SPTA1: variants seen among roughly 807,000 people sequenced by gnomAD.
SPTA1 encodes the protein spectrin alpha chain, erythrocytic 1.
SPTA1 carries 177 observed loss-of-function variants against 324.7 expected under a neutral mutation model. That is an observed-to-expected ratio of 0.55 (90% CI 0.48 to 0.62). SPTA1 has a LOEUF of 0.62. Ranked by LOEUF, SPTA1 falls within the 20% of genes least tolerant of loss-of-function variation. The pLI, the probability that SPTA1 is intolerant of heterozygous loss-of-function variation, is 0.00. For synonymous variants in SPTA1, 1,195 were observed against 1,041.3 expected, an observed-to-expected ratio of 1.15 and a Z score of -2.84; for missense variants, 3,162 against 2,883.6, an observed-to-expected ratio of 1.10 and a Z score of -2.21.
At chr1:158,649,709 A>T in intron 25 of SPTA1, 147 bp downstream of exon 25, 1 of 697,132 alleles carries the variant, frequency 1.4e-6, no homozygotes, top group Non-Finnish European at 2.5e-6. Flanking sequence ...AGTGAGAATC[A>T]TACTACTAAA....
rs1300619642 is a variant in SPTA1 at position 158,653,406 on chromosome 1, GCTTCCAC to G, written c.3049_3055del (p.Val1017LeufsTer92). 1 of 1,614,084 alleles carries G rather than the reference GCTTCCAC, an allele frequency of 6.2e-7. No individual in the cohort carries two copies. The highest frequency in any genetic ancestry group is 1.7e-5 in the Admixed American group (1 of 60,010). On this transcript the variant is annotated frameshift_variant, in exon 22 of 52. Transcript: ENST00000643759. LOFTEE classifies it high-confidence loss of function. ...TGGGACAATGCCCTGATGATCAGCA[GCTTCCAC>G]CTTCCACCAGTCCTGAAGGGAGAGC...
At position 158,671,490 on chromosome 1, in the gene SPTA1, G is replaced by C. The variant is rs1288008695; in HGVS notation, c.1489-37C>G. 2.6e-6 allele frequency: 4 copies of C among 1,518,092 alleles called. No individual in the cohort carries two copies. In the African/African-American group the frequency reaches 4.1e-5, roughly 16 times the overall value. 94.0% of individuals were successfully genotyped at this position (1,518,092 alleles called of 1,614,324 possible). On this transcript the variant is annotated intron_variant, in intron 11 of 51. Transcript: ENST00000643759. ...AGAAAGACACACCTAAGCTGTGTCT[G>C]ACCGGTAAGAAACATTCCTCTTGGC... is the stretch of plus-strand genomic sequence containing the variant.
chr1:158,643,409 T>A lies in SPTA1; in HGVS notation c.4355A>T (p.Asp1452Val). ...AITAQEGKITDLEHFAESLIA... is the reference protein window; with the variant it reads ...AITAQEGKITVLEHFAESLIA... ...GAGGCTCTCAGCAAAATGTTCTAGG[T>A]CAGTGATCTTCCCTTCCTAAATAAA... Residue 1452 changes from aspartate (D) to valine (V), a missense_variant, in exon 31 of 52, where the codon GAC (aspartate) becomes GTC (valine). Transcript: ENST00000643759. The A allele has an allele frequency of 6.2e-7, 1 of 1,613,606 alleles. No homozygotes were observed. The highest frequency in any genetic ancestry group is 1.1e-5 in the South Asian group (1 of 91,068).
chr1:158,650,044 T>G, intron 24 of SPTA1, 97 bp from the exon 25 acceptor site: 1 of 858,698 alleles, frequency 1.2e-6, no homozygotes, highest in South Asian at 1.5e-5. Context: ...ATAGTTGTTT[T>G]TACGTTATTT....
At chr1:158,634,266 T>A (rs1316225246) in intron 39 of SPTA1, among the ~76,000 whole-genome samples, 1 of 152,182 alleles carries the variant, frequency 6.6e-6, no homozygotes. Context: ...TAAGGAAAGG[T>A]CTTTAACCAT....
chr1:158,657,752 A>G, intron 18 of SPTA1, 58 bp from the exon 19 acceptor site: 1 of 1,528,404 alleles, frequency 6.5e-7, no homozygotes, highest in Non-Finnish European at 9.1e-7. Context: ...ACCATACTCT[A>G]ATCCTTTTGG....
Position 158,639,571 on chromosome 1 carries a change from A to G in SPTA1, c.4980+11T>C, listed in dbSNP as rs758549683. 8 of 1,612,682 alleles carry G rather than the reference A, an allele frequency of 5.0e-6. No individual in the cohort carries two copies. The highest frequency in any genetic ancestry group is 6.8e-6 in the Non-Finnish European group (8 of 1,178,850). ...TTCTGCCCAGAGGAGAGGGATGCCA[A>G]CACTACTTACCTCTCGAGCCAACAT... is the stretch of plus-strand genomic sequence containing the variant. On this transcript the variant is annotated intron_variant, in intron 35 of 51. Coordinates refer to ENST00000643759, the MANE Select transcript of SPTA1 (RefSeq NM_003126.4).
In SPTA1 at chr1:158,672,979, G is replaced by C. The variant is rs562216300; in HGVS notation, c.1351-783C>G. 2.8e-3 allele frequency among the ~76,000 whole-genome samples: 431 copies of C among 151,848 alleles called. 1 individual carries two copies. Among genetic ancestry groups the C allele is most frequent in the Non-Finnish European group, 2.7e-3 (184 of 67,932 alleles). ...TAAAATAAAAATACAAAAATTAGCCGGATGTGGTGGTGCGCACCTCTAGTC... is the reference window on the plus strand; with the variant it reads ...TAAAATAAAAATACAAAAATTAGCCCGATGTGGTGGTGCGCACCTCTAGTC... On this transcript the variant is annotated intron_variant, in intron 10 of 51. Coordinates refer to ENST00000643759, the MANE Select transcript of SPTA1 (RefSeq NM_003126.4).
chr1:158,675,996 G>T (rs1654366205), intron 8 of SPTA1, 145 bp downstream of exon 8: 2 of 1,055,518 alleles, frequency 1.9e-6, no homozygotes, highest in East Asian at 2.6e-5. Context: ...ACTTCCTTTG[G>T]CAACTTAAAT....
In SPTA1 at chr1:158,617,520, G is replaced by T. The variant is rs760243049; in HGVS notation, c.6600+17C>A. On this transcript the variant is annotated intron_variant, in intron 47 of 51. Coordinates refer to ENST00000643759, the MANE Select transcript of SPTA1 (RefSeq NM_003126.4). ...AATTTTGGCAATATCTTCAGTTAAT[G>T]AAAAAACAATACTTACTTTATTTGC... 1.9e-6 allele frequency: 3 copies of T among 1,610,180 alleles called. No individual in the cohort carries two copies. The highest frequency in any genetic ancestry group is 2.7e-5 in the African/African-American group (2 of 74,792).
rs186235809 is a variant in SPTA1 at position 158,685,133 on chromosome 1, C to A, written c.239G>T (p.Ser80Ile). ...MEKVNILTDK[S>I]YEDPTNIQGK... ...CTGTATATTAGTTGGGTCTTCATAG[C>A]TCTTATCGGTTAAGATATTGACTTT... The change falls in exon 2 of 52, where the codon AGC becomes ATC. Residue 80 changes from serine to isoleucine, a missense_variant. Ser to Ile is a moderately radical substitution (Grantham distance 142, BLOSUM62 -2). Transcript: ENST00000643759. 1 of 1,613,682 alleles carries A rather than the reference C, an allele frequency of 6.2e-7. No homozygotes were observed.
intron 8 of SPTA1, 34 bp from the exon 9 acceptor site, chr1:158,674,709 G>A (rs1654284659): frequency 6.2e-7 from 1 of 1,611,604 alleles, no homozygotes; most frequent in Non-Finnish European, 8.5e-7. Context: ...ACAGGAAGGA[G>A]AAACCAGATA....
chr1:158,663,053 A>ATT (rs1488567583), intron 16 of SPTA1, 108 bp from the exon 17 acceptor site: 20 of 1,464,630 alleles, frequency 1.4e-5, no homozygotes, highest in Non-Finnish European at 1.8e-5. Context: ...TCCCATATGC[A>ATT]TTGTGTTCTG....
chr1:158,639,357 C>CT (rs1651353024), intron 35 of SPTA1: 1 of 578,376 alleles, frequency 1.7e-6, no homozygotes, highest in Non-Finnish European at 3.1e-6. Context: ...CCCAGGTCCA[C>CT]TTTCTGGAAT....
At chr1:158,660,156 C>A (rs1033665666) in intron 18 of SPTA1, among the ~76,000 whole-genome samples, 6 of 151,916 alleles carry the variant, frequency 3.9e-5, no homozygotes, top group Admixed American at 1.3e-4. Flanking sequence ...TAGCAACTTG[C>A]CAGATTTAAA....
At chr1:158,617,898 C>A in intron 46 of SPTA1, 141 bp downstream of exon 46, 1 of 842,504 alleles carries the variant, frequency 1.2e-6, no homozygotes, top group South Asian at 1.5e-5. Flanking sequence ...ATATAATGAG[C>A]TTTTCCTTCT....
intron 2 of SPTA1, 60 bp downstream of exon 2, chr1:158,685,048 C>T (rs1470297313): frequency 6.2e-7 from 1 of 1,606,430 alleles, no homozygotes; most frequent in Non-Finnish European, 8.5e-7. Flanking sequence ...AAAGAAAAAC[C>T]TATTTCCTTC....
At chr1:158,667,784 T>C in intron 15 of SPTA1, 74 bp downstream of exon 15, 1 of 1,505,310 alleles carries the variant, frequency 6.6e-7, no homozygotes, top group Non-Finnish European at 9.1e-7. Context: ...CAGATAAATT[T>C]ACAGTGGTAA....
At chr1:158,629,755 T>C (rs765731446) in intron 39 of SPTA1, among the ~76,000 whole-genome samples, 1 of 151,916 alleles carries the variant, frequency 6.6e-6, no homozygotes, top group East Asian at 1.9e-4. Context: ...TACAGAGAAC[T>C]CTGAACACTC....
Sources: gnomAD v4.1 joint callset for allele counts (sites outside exome capture counted in the v4.1 genomes callset) on GRCh38, gnomAD v4.1.1 for gene constraint, MANE v1.5 for transcripts, NCBI Gene and HGNC (gene_info 2026-07-23, HGNC 2026-07-21) for gene names.